The following CADPS variants were observed in gnomAD, a reference collection of about 807,000 sequenced individuals.
CADPS encodes the protein calcium dependent secretion activator.
Under a neutral mutation model 167.3 loss-of-function variants are expected in CADPS, and 57 were observed. The ratio of observed to expected loss-of-function variants is 0.34; its 90% CI spans 0.28 to 0.42. The LOEUF is 0.42. Among genes scored for constraint, CADPS ranks in the 20% least tolerant of loss-of-function variants. The pLI, the probability that CADPS is intolerant of heterozygous loss-of-function variation, is 1.00. For missense variants in CADPS, 1,414 were observed against 1,738.1 expected, an observed-to-expected ratio of 0.81 and a Z score of 3.32; for synonymous variants, 676 against 635.3, an observed-to-expected ratio of 1.06 and a Z score of -0.96.
At chr3:62,866,778 C>A (rs2081773569) in intron 1 of CADPS, among the ~76,000 whole-genome samples, 1 of 151,868 alleles carries the variant, frequency 6.6e-6, no homozygotes, top group African/African-American at 2.4e-5. Context: ...GTCCATGTAC[C>A]CCATATTAAA....
At chr3:62,765,830 G>C in intron 2 of CADPS, 41 bp downstream of exon 2, 1 of 1,356,892 alleles carries the variant, frequency 7.4e-7, no homozygotes, top group South Asian at 1.2e-5. Flanking sequence ...CAGGCATAGG[G>C]CTTGAGTGGT....
At chr3:62,646,628 A>G (rs555322933) in intron 5 of CADPS, among the ~76,000 whole-genome samples, 8 of 152,346 alleles carry the variant, frequency 5.3e-5, no homozygotes, top group Admixed American at 4.6e-4. Flanking sequence ...TCAGAGATGC[A>G]ACAGGGATTA....
intron 1 of CADPS, among the ~76,000 whole-genome samples, chr3:62,865,722 GT>G (rs2081568988): frequency 6.6e-6 from 1 of 152,020 alleles, no homozygotes; most frequent in Non-Finnish European, 1.5e-5. Context: ...TTTTATTGAT[GT>G]TTTCTACATA....
rs76364972 is a variant in CADPS, at chr3:62,557,588, T to C, written c.1645-75A>G. The C allele has an allele frequency of 0.014, 15,248 of 1,123,280 alleles. 774 individuals carry two copies. In the East Asian group the frequency reaches 0.15, roughly 11 times the overall value. The allele number at this position is 1,123,280 out of a possible 1,614,324, so 69.6% of individuals were successfully genotyped here. A position where few individuals can be genotyped will look rare whatever the true frequency, so the allele number is the denominator to read the frequency against. The stretch of plus-strand genomic sequence containing the variant: ...CCAAAAAACCCTCCCCCATGTTCTC[T>C]CCTCTGAGGATCTGGACTGAGTGGC... On this transcript the variant is annotated intron_variant, in intron 9 of 29. Coordinates refer to ENST00000383710, the MANE Select transcript of CADPS (RefSeq NM_003716.4).
intron 4 of CADPS, among the ~76,000 whole-genome samples, chr3:62,651,730 C>T (rs967140130): frequency 4.6e-5 from 7 of 152,168 alleles, no homozygotes; most frequent in Admixed American, 6.5e-5. Context: ...AATTGCAACA[C>T]GTGCTAACCA....
chr3:62,697,704 C>T (rs2080597596), intron 3 of CADPS, among the ~76,000 whole-genome samples: 1 of 152,136 alleles, frequency 6.6e-6, no homozygotes, highest in Non-Finnish European at 1.5e-5. Flanking sequence ...AGTGGTTGCA[C>T]TAGTTTACAT....
chr3:62,526,152 T>A (rs1368757969), intron 13 of CADPS, among the ~76,000 whole-genome samples: 2 of 152,112 alleles, frequency 1.3e-5, no homozygotes, highest in Non-Finnish European at 2.9e-5. Flanking sequence ...TCCATTTGAT[T>A]GTTTGGTTAC....
rs943217296 is a variant in CADPS, at chr3:62,666,068, T to C, written c.889-3674A>G. On this transcript the variant is annotated intron_variant, in intron 3 of 29. Transcript: ENST00000383710. The stretch of plus-strand genomic sequence containing the variant: ...GGACAGTGTCCCTCACTGGCGTGAA[T>C]GTAGGGTGTCGGTCTGACAGTCTGT... 4.6e-5 allele frequency among the ~76,000 whole-genome samples: 7 copies of C among 152,290 alleles called. No individual in the cohort carries two copies. In the South Asian group the frequency reaches 1.0e-3, roughly 23 times the overall value.
intron 3 of CADPS, among the ~76,000 whole-genome samples, chr3:62,691,376 T>C (rs2079083963): frequency 6.6e-6 from 1 of 151,970 alleles, no homozygotes; most frequent in African/African-American, 2.4e-5. Flanking sequence ...TACAAATGCA[T>C]CATTCTGTTG....
chr3:62,599,924 A>G (rs1231917512), intron 6 of CADPS, among the ~76,000 whole-genome samples: 1 of 101,216 alleles, frequency 9.9e-6, no homozygotes, highest in Non-Finnish European at 1.8e-5. Flanking sequence ...TATACAATAT[A>G]TTATATATAT....
intron 26 of CADPS, among the ~76,000 whole-genome samples, chr3:62,461,571 C>T (rs1426918179): frequency 6.6e-6 from 1 of 152,166 alleles, no homozygotes; most frequent in Non-Finnish European, 1.5e-5. Flanking sequence ...ATGTGGCCTC[C>T]AAAATATCCA....
chr3:62,485,113 G>A (rs2062605988), intron 21 of CADPS, among the ~76,000 whole-genome samples: 1 of 151,800 alleles, frequency 6.6e-6, no homozygotes, highest in Non-Finnish European at 1.5e-5. Context: ...TGTATTATAT[G>A]TAGATCTGTG....
intron 8 of CADPS, among the ~76,000 whole-genome samples, chr3:62,573,825 C>T (rs1403199086): frequency 6.6e-6 from 1 of 152,178 alleles, no homozygotes; most frequent in Middle Eastern, 3.2e-3. Context: ...CTGTGAGTTT[C>T]TGGAGGGAAG....
intron 4 of CADPS, among the ~76,000 whole-genome samples, chr3:62,652,870 C>T (rs2070580700): frequency 6.6e-6 from 1 of 152,206 alleles, no homozygotes; most frequent in Non-Finnish European, 1.5e-5. Flanking sequence ...AATTCCCCCA[C>T]CCACTGTTAG....
At chr3:62,461,485 T>C (rs2059343029) in intron 26 of CADPS, among the ~76,000 whole-genome samples, 1 of 152,126 alleles carries the variant, frequency 6.6e-6, no homozygotes, top group Admixed American at 6.5e-5. Context: ...TATATCATAG[T>C]TCTCGGGCTT....
chr3:62,636,255 C>T (rs1014869304), intron 6 of CADPS, among the ~76,000 whole-genome samples: 5 of 152,192 alleles, frequency 3.3e-5, no homozygotes, highest in African/African-American at 1.2e-4. Context: ...ATAACAATGA[C>T]AGTGGCACAG....
intron 10 of CADPS, among the ~76,000 whole-genome samples, chr3:62,554,254 G>A (rs2077754303): frequency 6.6e-6 from 1 of 152,192 alleles, no homozygotes; most frequent in African/African-American, 2.4e-5. Context: ...CTTAAAAGGA[G>A]TAGCTTGTAA....
At chr3:62,672,589 C>T (rs1377247866) in intron 3 of CADPS, among the ~76,000 whole-genome samples, 1 of 152,140 alleles carries the variant, frequency 6.6e-6, no homozygotes, top group African/African-American at 2.4e-5. Context: ...TCTTGCTTGG[C>T]CCCTGGTCAA....
At chr3:62,474,418 C>A in intron 23 of CADPS, 98 bp from the exon 24 acceptor site, 1 of 1,112,964 alleles carries the variant, frequency 9.0e-7, no homozygotes, top group Non-Finnish European at 1.3e-6. Context: ...AAATTGAAGG[C>A]TGTAATCAGT....
Sources: gnomAD v4.1 joint callset for allele counts (sites outside exome capture counted in the v4.1 genomes callset) on GRCh38, gnomAD v4.1.1 for gene constraint, MANE v1.5 for transcripts, NCBI Gene and HGNC (gene_info 2026-07-23, HGNC 2026-07-21) for gene names.